The following PCDHGA12 variants were observed in gnomAD, a reference collection of about 807,000 sequenced individuals.
PCDHGA12 encodes the protein protocadherin gamma subfamily A, 12, also known as protocadherin gamma-A12.
In PCDHGA12, 43 loss-of-function variants were observed where a neutral mutation model predicts 61.1. The observed-to-expected ratio is 0.70, with a 90% CI of 0.55 to 0.91. The LOEUF (loss-of-function observed/expected upper bound fraction) is 0.91. Ranked by LOEUF, PCDHGA12 falls within the 40% of genes least tolerant of loss-of-function variation. The pLI, the probability that PCDHGA12 is intolerant of heterozygous loss-of-function variation, is 0.00. For missense variants in PCDHGA12, 1,236 were observed against 1,227.7 expected, an observed-to-expected ratio of 1.01 and a Z score of -0.10; for synonymous variants, 520 against 542.9, an observed-to-expected ratio of 0.96 and a Z score of 0.59.
In PCDHGA12 at chr5:141,463,735, C is replaced by T. The variant is rs1411988885; in HGVS notation, c.2424+30552C>T. On this transcript the variant is annotated intron_variant, in intron 1 of 3. Coordinates refer to ENST00000252085, the MANE Select transcript of PCDHGA12 (RefSeq NM_003735.3). ...TGCTGGGATTACAGGCATGAGCCAC[C>T]GCGCCCGGCCTGCTTCTCTTCTCTT... 3.3e-5 allele frequency among the ~76,000 whole-genome samples: 5 copies of T among 152,100 alleles called. No individual in the cohort carries two copies. The East Asian group carries it at 7.8e-4, about 24-fold the overall frequency.
intron 1 of PCDHGA12, among the ~76,000 whole-genome samples, chr5:141,445,711 G>A (rs978623618): frequency 1.3e-5 from 2 of 152,202 alleles, no homozygotes; most frequent in African/African-American, 4.8e-5. Context: ...TTGTCAGGCA[G>A]AGGAAATAGC....
chr5:141,496,993 C>G (rs981547671), intron 2 of PCDHGA12, among the ~76,000 whole-genome samples: 1 of 151,910 alleles, frequency 6.6e-6, no homozygotes, highest in South Asian at 2.1e-4. Flanking sequence ...TGAGACCAGC[C>G]TGGCAGCCAA....
intron 1 of PCDHGA12, among the ~76,000 whole-genome samples, chr5:141,459,546 C>T (rs575349914): frequency 9.9e-5 from 15 of 152,102 alleles, no homozygotes; most frequent in African/African-American, 3.6e-4. Flanking sequence ...TTTTTTATTT[C>T]TCTTGGATAA....
Position 141,487,373 on chromosome 5 carries a change from C to T in PCDHGA12, c.2425-7434C>T. 2 of 1,614,224 alleles carry T rather than the reference C, an allele frequency of 1.2e-6. No homozygotes were observed. Among genetic ancestry groups the T allele is most frequent in the Non-Finnish European group, 1.7e-6 (2 of 1,180,042 alleles). On this transcript the variant is annotated intron_variant, in intron 1 of 3. Transcript: ENST00000252085. This position sits in a 1 kb window ranked among gnomAD's most constrained non-coding sequence, Gnocchi z 5.0. ...CTTTCCTGCTGGCACCTGTGCCTGTCTCACCAGATCTCGAAGGAGGGAGGG... is the reference window on the plus strand; with the variant it reads ...CTTTCCTGCTGGCACCTGTGCCTGTTTCACCAGATCTCGAAGGAGGGAGGG...
chr5:141,490,062 C>A lies in PCDHGA12; in HGVS notation c.2425-4745C>A, dbSNP rs758715682. 6.2e-7 allele frequency: 1 copy of A among 1,614,218 alleles called. No homozygotes were observed. The highest frequency in any genetic ancestry group is 1.1e-5 in the South Asian group (1 of 91,082). ...CCACTGATCCAGACGAGGGCACCAA[C>A]GGCCAACTAGACTATTCTTTTGGAG... On this transcript the variant is annotated intron_variant, in intron 1 of 3. Coordinates refer to ENST00000252085, the MANE Select transcript of PCDHGA12 (RefSeq NM_003735.3). The surrounding 1 kb of genome is among the most constrained non-coding windows in gnomAD (Gnocchi z 5.4).
chr5:141,476,825 G>A lies in PCDHGA12; in HGVS notation c.2425-17982G>A. ...GCCTATTCACATCAAGGTGCTGGACGCGAATGACAATGCGCCTGTCTTCAA... is the reference window on the plus strand; with the variant it reads ...GCCTATTCACATCAAGGTGCTGGACACGAATGACAATGCGCCTGTCTTCAA... On this transcript the variant is annotated intron_variant, in intron 1 of 3. Transcript: ENST00000252085. The surrounding 1 kb of genome is among the most constrained non-coding windows in gnomAD (Gnocchi z 7.6). 6.2e-7 allele frequency: 1 copy of A among 1,613,554 alleles called. No individual in the cohort carries two copies. Among genetic ancestry groups the A allele is most frequent in the East Asian group, 2.2e-5 (1 of 44,870 alleles).
chr5:141,445,115 A>G (rs1038787011), intron 1 of PCDHGA12, among the ~76,000 whole-genome samples: 1 of 152,308 alleles, frequency 6.6e-6, no homozygotes, highest in East Asian at 1.9e-4. Flanking sequence ...GTTATTGTAA[A>G]TAGTATTTTT....
chr5:141,438,735 C>T (rs2098057719), intron 1 of PCDHGA12, among the ~76,000 whole-genome samples: 1 of 149,150 alleles, frequency 6.7e-6, no homozygotes, highest in South Asian at 2.1e-4. Context: ...GATCTCAGCT[C>T]ACTGCAACCT....
intron 1 of PCDHGA12, among the ~76,000 whole-genome samples, chr5:141,437,929 G>A (rs1479763331): frequency 6.6e-6 from 1 of 151,960 alleles, no homozygotes; most frequent in East Asian, 1.9e-4. Context: ...GTAGAGATGG[G>A]GTTTCACCAT....
At chr5:141,480,781 G>A (rs2099525581) in intron 1 of PCDHGA12, among the ~76,000 whole-genome samples, 1 of 152,174 alleles carries the variant, frequency 6.6e-6, no homozygotes, top group Admixed American at 6.5e-5. Flanking sequence ...CTAATGTGCA[G>A]ACAAATTTGA....
intron 2 of PCDHGA12, among the ~76,000 whole-genome samples, chr5:141,500,329 C>G (rs1384834356): frequency 6.6e-6 from 1 of 151,986 alleles, no homozygotes; most frequent in Non-Finnish European, 1.5e-5. Flanking sequence ...CTGCCTCAGC[C>G]TCCAGAATAG....
At chr5:141,450,898 C>T (rs929869116) in intron 1 of PCDHGA12, among the ~76,000 whole-genome samples, 12 of 150,412 alleles carry the variant, frequency 8.0e-5, no homozygotes, top group African/African-American at 2.9e-4. Context: ...GATATCGGCT[C>T]ACTGCAACCG....
At chr5:141,475,934 G>T in intron 1 of PCDHGA12, 1 of 665,236 alleles carries the variant, frequency 1.5e-6, no homozygotes, top group Non-Finnish European at 2.5e-6. Context: ...TCGGGCCCCT[G>T]CCCGTCCCCT....
intron 1 of PCDHGA12, among the ~76,000 whole-genome samples, chr5:141,454,261 A>T (rs183133499): frequency 1.3e-5 from 2 of 152,364 alleles, no homozygotes; most frequent in South Asian, 2.1e-4. Flanking sequence ...CAGAGAAAGT[A>T]ATGCCAGCAA....
intron 1 of PCDHGA12, among the ~76,000 whole-genome samples, chr5:141,452,316 T>C (rs2098738639): frequency 6.6e-6 from 1 of 152,208 alleles, no homozygotes; most frequent in Non-Finnish European, 1.5e-5. Flanking sequence ...ACTCATACTT[T>C]CCTTGTTCCA....
intron 1 of PCDHGA12, among the ~76,000 whole-genome samples, chr5:141,435,592 C>T (rs573084790): frequency 1.3e-5 from 2 of 152,060 alleles, no homozygotes; most frequent in African/African-American, 2.4e-5. Flanking sequence ...GCAGTAATAT[C>T]GCCTGCTTTT....
chr5:141,451,414 A>G (rs934393544), intron 1 of PCDHGA12, among the ~76,000 whole-genome samples: 2 of 152,108 alleles, frequency 1.3e-5, no homozygotes, highest in African/African-American at 2.4e-5. Flanking sequence ...TTCCTTGTGG[A>G]TTGTTAGACT....
chr5:141,499,401 C>A lies in PCDHGA12; in HGVS notation c.2483+4536C>A, dbSNP rs115575614. ...TTCCACTTATAAAATAGTACATGCTCATTATAGAAACATGAAAAATAGAAA... is the reference window on the plus strand; with the variant it reads ...TTCCACTTATAAAATAGTACATGCTAATTATAGAAACATGAAAAATAGAAA... On this transcript the variant is annotated intron_variant, in intron 2 of 3. Coordinates refer to ENST00000252085, the MANE Select transcript of PCDHGA12 (RefSeq NM_003735.3). Among the ~76,000 whole-genome samples, 871 of 152,186 alleles carry A rather than the reference C, an allele frequency of 5.7e-3. 5 individuals are homozygous for A. Among genetic ancestry groups the A allele is most frequent in the African/African-American group, 0.02 (847 of 41,502 alleles).
chr5:141,490,808 A>C lies in PCDHGA12; in HGVS notation c.2425-3999A>C. On this transcript the variant is annotated intron_variant, in intron 1 of 3. Coordinates refer to ENST00000252085, the MANE Select transcript of PCDHGA12 (RefSeq NM_003735.3). The surrounding 1 kb of genome is among the most constrained non-coding windows in gnomAD (Gnocchi z 5.4). The stretch of plus-strand genomic sequence containing the variant: ...CGGATCTTTGCCCAGCGTACCTTTG[A>C]CTATGAATTGCTGCAGATGCTGCAG... 1 of 1,613,884 alleles carries C rather than the reference A, an allele frequency of 6.2e-7. No homozygotes were observed. The highest frequency in any genetic ancestry group is 8.5e-7 in the Non-Finnish European group (1 of 1,179,874).
Sources: gnomAD v4.1 joint callset for allele counts (sites outside exome capture counted in the v4.1 genomes callset) on GRCh38, gnomAD v4.1.1 for gene constraint, Gnocchi (gnomAD v3.1) non-coding constraint, MANE v1.5 for transcripts, NCBI Gene and HGNC (gene_info 2026-07-23, HGNC 2026-07-21) for gene names.